Variants in SLX4IP observed in about 807,000 individuals in gnomAD.
SLX4IP encodes protein SLX4IP.
Under a neutral mutation model 32.9 loss-of-function variants are expected in SLX4IP, and 34 were observed. That is an observed-to-expected ratio of 1.03 (90% CI 0.79 to 1.38). The LOEUF (loss-of-function observed/expected upper bound fraction) is 1.38, where lower values mean the gene tolerates loss of function less well. Among genes scored for constraint, SLX4IP ranks in the 40% most tolerant of loss-of-function variants. The pLI, the probability that SLX4IP is intolerant of heterozygous loss-of-function variation, is 0.00. For missense variants in SLX4IP, 444 were observed against 479.0 expected (o/e 0.93, Z 0.68); for synonymous variants, 172 against 171.7 (o/e 1.00, Z -0.01).
At chr20:10,522,071 C>T (rs1437018915) in intron 2 of SLX4IP, among the ~76,000 whole-genome samples, 3 of 152,184 alleles carry the variant, frequency 2.0e-5, no homozygotes, top group African/African-American at 7.2e-5. Context: ...GCCTCTCTTC[C>T]TCACTCCCTT....
chr20:10,598,297 C>T (rs1294579018), intron 4 of SLX4IP, among the ~76,000 whole-genome samples: 1 of 152,192 alleles, frequency 6.6e-6, no homozygotes, highest in East Asian at 1.9e-4. Flanking sequence ...TAGATAGAGT[C>T]TCGCTCTGTC....
rs2065972926 is a variant in SLX4IP, at chr20:10,529,850, G to C, written c.28-26381G>C. Among the ~76,000 whole-genome samples, 3 of 152,076 alleles carry C rather than the reference G, an allele frequency of 2.0e-5. 1 individual carries two copies. The South Asian group carries it at 6.2e-4, about 31-fold the overall frequency. The stretch of plus-strand genomic sequence containing the variant: ...ATTTCATGAGTTTGGGAAGCATTTT[G>C]AATCTCTGCCCTCAGTTTGGAAATA... On this transcript the variant is annotated intron_variant, in intron 2 of 7. Coordinates refer to ENST00000334534, the MANE Select transcript of SLX4IP (RefSeq NM_001009608.3).
intron 2 of SLX4IP, among the ~76,000 whole-genome samples, chr20:10,552,437 G>A (rs1288521665): frequency 2.1e-5 from 3 of 145,264 alleles, no homozygotes; most frequent in Admixed American, 7.0e-5. Context: ...GTTTTCTCAT[G>A]AGTGACAAGA....
chr20:10,614,229 A>G (rs1350525034), intron 6 of SLX4IP: 4 of 639,256 alleles, frequency 6.3e-6, no homozygotes, highest in South Asian at 3.8e-5. Flanking sequence ...GAAGAAACTC[A>G]TGTACATAAC....
intron 6 of SLX4IP, among the ~76,000 whole-genome samples, chr20:10,604,359 C>T (rs565733796): frequency 3.5e-4 from 53 of 152,198 alleles, no homozygotes; most frequent in Admixed American, 2.8e-3. Flanking sequence ...GTGCCTTACT[C>T]GTGCTGTAGC....
At chr20:10,486,256 T>A (rs2065573003) in intron 2 of SLX4IP, among the ~76,000 whole-genome samples, 1 of 151,936 alleles carries the variant, frequency 6.6e-6, no homozygotes. Context: ...TTTGAAACAT[T>A]CAGGCTGAAA....
At chr20:10,460,426 G>A (rs1405210244) in intron 2 of SLX4IP, among the ~76,000 whole-genome samples, 1 of 152,092 alleles carries the variant, frequency 6.6e-6, no homozygotes, top group Admixed American at 6.5e-5. Flanking sequence ...TTCTACTTAG[G>A]GACTCAACTT....
intron 2 of SLX4IP, among the ~76,000 whole-genome samples, chr20:10,516,477 C>T (rs968504121): frequency 6.6e-6 from 1 of 152,150 alleles, no homozygotes; most frequent in African/African-American, 2.4e-5. Flanking sequence ...GAATCTTAGG[C>T]TGTTACAGAA....
At chr20:10,549,314 A>AGCATGGGGCCCTACAGTG (rs1431360607) in intron 2 of SLX4IP, among the ~76,000 whole-genome samples, 1 of 151,954 alleles carries the variant, frequency 6.6e-6, no homozygotes. Flanking sequence ...CTTGTGTTTC[A>AGCATGGGGCCCTACAGTG]GCATGGGGCC....
intron 2 of SLX4IP, among the ~76,000 whole-genome samples, chr20:10,526,580 A>G (rs2065942135): frequency 1.3e-5 from 2 of 152,164 alleles, no homozygotes; most frequent in African/African-American, 2.4e-5. Flanking sequence ...CCTATGGATG[A>G]CATAACAAAT....
intron 1 of SLX4IP, among the ~76,000 whole-genome samples, chr20:10,456,517 T>G (rs1380470695): frequency 2.0e-5 from 3 of 152,074 alleles, no homozygotes; most frequent in Non-Finnish European, 4.4e-5. Flanking sequence ...AATTTTTGTA[T>G]TTTTAATAGA....
chr20:10,466,381 A>G (rs761431111), intron 2 of SLX4IP, among the ~76,000 whole-genome samples: 12 of 151,974 alleles, frequency 7.9e-5, no homozygotes, highest in Non-Finnish European at 1.3e-4. Flanking sequence ...GTTTTCTTGG[A>G]TTAGTTAGGT....
chr20:10,477,809 T>C (rs746526335), intron 2 of SLX4IP, among the ~76,000 whole-genome samples: 26 of 152,330 alleles, frequency 1.7e-4, no homozygotes, highest in Non-Finnish European at 2.9e-4. Context: ...TAAGATTATA[T>C]AGGCTCCTTC....
chr20:10,512,673 T>A (rs1259448318), intron 2 of SLX4IP, among the ~76,000 whole-genome samples: 1 of 143,064 alleles, frequency 7.0e-6, no homozygotes, highest in African/African-American at 2.6e-5. Context: ...GTATATATAT[T>A]GTGTATATAT....
chr20:10,598,745 G>C lies in SLX4IP; in HGVS notation c.309G>C (p.Gln103His). 1 of 1,614,062 alleles carries C rather than the reference G, an allele frequency of 6.2e-7. No homozygotes were observed. The highest frequency in any genetic ancestry group is 1.3e-5 in the African/African-American group (1 of 75,036). Reference sequence around the variant, plus strand: ...GCCTTCGCTGCATCAGGAGCACACAGAATGCTGGTAAGAAGCCGATTTCTT... The same window carrying C: ...GCCTTCGCTGCATCAGGAGCACACACAATGCTGGTAAGAAGCCGATTTCTT... ...GIRLRCIRST[Q>H]NAELCVFPDR... Residue 103 changes from glutamine to histidine, a missense_variant, in exon 5 of 8, where the codon CAG becomes CAC. Transcript: ENST00000334534.
chr20:10,533,819 C>T (rs2122468261), intron 2 of SLX4IP, among the ~76,000 whole-genome samples: 1 of 151,984 alleles, frequency 6.6e-6, no homozygotes, highest in East Asian at 1.9e-4. Context: ...GGGGCTTTGT[C>T]ATGTTACCCA....
chr20:10,460,407 G>C (rs186778685), intron 2 of SLX4IP, among the ~76,000 whole-genome samples: 4 of 152,184 alleles, frequency 2.6e-5, no homozygotes, highest in African/African-American at 9.6e-5. Flanking sequence ...ATGTTGGTTG[G>C]GGCTGCAGTT....
intron 2 of SLX4IP, among the ~76,000 whole-genome samples, chr20:10,476,351 G>T (rs1600909898): frequency 6.6e-6 from 1 of 152,298 alleles, no homozygotes; most frequent in East Asian, 1.9e-4. Context: ...GCATTGCAAA[G>T]TGTCCCATAG....
intron 2 of SLX4IP, among the ~76,000 whole-genome samples, chr20:10,500,822 C>T (rs1478552527): frequency 6.6e-6 from 1 of 152,174 alleles, no homozygotes; most frequent in Non-Finnish European, 1.5e-5. Flanking sequence ...CTTTGCCCCT[C>T]ATGATGTCTC....
Sources: allele counts gnomAD v4.1 joint callset (sites outside exome capture counted in the v4.1 genomes callset), GRCh38; gene constraint gnomAD v4.1.1; transcripts MANE v1.5; gene names NCBI Gene and HGNC (gene_info 2026-07-23, HGNC 2026-07-21).